Variants in DOC2A observed in about 807,000 individuals in gnomAD.
DOC2A encodes double C2-like domain-containing protein alpha.
Under a neutral mutation model 40.6 loss-of-function variants are expected in DOC2A, and 28 were observed. That is an observed-to-expected ratio of 0.69 (90% CI 0.51 to 0.95). DOC2A has a LOEUF of 0.95. Ranked by LOEUF, DOC2A falls within the 40% of genes least tolerant of loss-of-function variation. The pLI is 0.00. For synonymous variants in DOC2A, 241 were observed against 236.9 expected, an observed-to-expected ratio of 1.02 and a Z score of -0.16; for missense variants, 474 against 552.5, an observed-to-expected ratio of 0.86 and a Z score of 1.42.
At chr16:30,014,015 A>G (rs561595392), upstream of DOC2A, among the ~76,000 whole-genome samples, 2 of 151,112 alleles carry the variant, frequency 1.3e-5, no homozygotes, top group East Asian at 3.9e-4. Flanking sequence ...GCGCCTGGCC[A>G]TGAAGTTCAA....
At position 30,009,868 on chromosome 16, in the gene DOC2A, G is replaced by A; in HGVS notation, c.262+93C>T. On this transcript the variant is annotated intron_variant, in intron 2 of 10. Transcript: ENST00000350119. This position sits in a 1 kb window ranked among gnomAD's most constrained non-coding sequence, Gnocchi z 4.1. The stretch of plus-strand genomic sequence containing the variant: ...CACTGCCCTCCTCCCCTACCTACAT[G>A]CACAGCCAGCAGGGCCCATCCCCCT... 7.3e-7 allele frequency: 1 copy of A among 1,367,088 alleles called. No individual in the cohort carries two copies. The highest frequency in any genetic ancestry group is 1.2e-5 in the South Asian group (1 of 83,478). 84.7% of individuals were successfully genotyped at this position (1,367,088 alleles called of 1,614,324 possible). A position where few individuals can be genotyped will look rare whatever the true frequency, so the allele number is the denominator to read the frequency against.
chr16:30,005,948 G>A lies in DOC2A; in HGVS notation c.*238C>T, dbSNP rs936213192. 114 of 591,006 alleles carry A rather than the reference G, an allele frequency of 1.9e-4. No homozygotes were observed. In the Middle Eastern group the frequency reaches 3.6e-3, roughly 19 times the overall value. The allele number at this position is 591,006 out of a possible 1,614,324, so 36.6% of individuals were successfully genotyped here. On this transcript the variant is annotated 3_prime_UTR_variant, in exon 11 of 11. Coordinates refer to ENST00000350119, the MANE Select transcript of DOC2A (RefSeq NM_003586.3). ...CGGGCTCTGAGCACTGCCCGGGTGT[G>A]CAGATGATGGGGGGTTTGCATATTT...
chr16:30,021,812 A>C (rs989669177), upstream of DOC2A: 4 of 152,254 alleles, frequency 2.6e-5, no homozygotes, highest in East Asian at 1.9e-4. Flanking sequence ...GGGAGGACGG[A>C]GAGAGCCCTG....
chr16:30,017,267 A>G (rs2070863753), upstream of DOC2A, among the ~76,000 whole-genome samples: 1 of 141,740 alleles, frequency 7.1e-6, no homozygotes, highest in African/African-American at 2.7e-5. Flanking sequence ...TGACAGAGTG[A>G]GACCCTGTCT....
At position 30,006,179 on chromosome 16, in the gene DOC2A, T is replaced by G; in HGVS notation, c.*7A>C. On this transcript the variant is annotated 3_prime_UTR_variant, in exon 11 of 11. Transcript: ENST00000350119. The surrounding 1 kb of genome is among the most constrained non-coding windows in gnomAD (Gnocchi z 6.2). ...CGATGGGCCTGTGCCGGGACACTGC[T>G]GTCCACTCAGGCTGAGGACAGAGCC... is the stretch of plus-strand genomic sequence containing the variant. 1.9e-6 allele frequency: 3 copies of G among 1,575,642 alleles called. No individual in the cohort carries two copies. Among genetic ancestry groups the G allele is most frequent in the Non-Finnish European group, 2.6e-6 (3 of 1,161,814 alleles).
upstream of DOC2A, among the ~76,000 whole-genome samples, chr16:30,022,406 C>G (rs2070924910): frequency 6.6e-6 from 1 of 152,104 alleles, no homozygotes; most frequent in South Asian, 2.1e-4. Flanking sequence ...CATGGTGGCT[C>G]ATGCCTGTAA....
Position 30,009,882 on chromosome 16 carries a change from G to A in DOC2A, c.262+79C>T. 16 of 1,563,338 alleles carry A rather than the reference G, an allele frequency of 1.0e-5. No individual in the cohort carries two copies. Among genetic ancestry groups the A allele is most frequent in the Non-Finnish European group, 1.2e-5 (14 of 1,139,658 alleles). ...CCTACCTACATGCACAGCCAGCAGG[G>A]CCCATCCCCCTCTCCCCCCACCACG... is the stretch of plus-strand genomic sequence containing the variant. On this transcript the variant is annotated intron_variant, in intron 2 of 10. Transcript: ENST00000350119. The surrounding 1 kb of genome is among the most constrained non-coding windows in gnomAD (Gnocchi z 4.1).
intron 1 of DOC2A, chr16:30,018,874 A>C (rs11642612): frequency 0.33 from 49,680 of 152,192 alleles, 8,817 homozygotes; most frequent in South Asian, 0.43. Context: ...GTGTGGTTCC[A>C]GGGCTCTGAG....
Position 30,006,684 on chromosome 16 carries a change from G to A in DOC2A, c.879-7C>T, listed in dbSNP as rs375598910. On this transcript the variant is annotated splice_region_variant and splice_polypyrimidine_tract_variant and intron_variant, in intron 8 of 10. Coordinates refer to ENST00000350119, the MANE Select transcript of DOC2A (RefSeq NM_003586.3). The surrounding 1 kb of genome is among the most constrained non-coding windows in gnomAD (Gnocchi z 6.2). ...CACATCGGGCCTCAGGTACCTGGGG[G>A]TGGGGTGGAGGGAGACGAACTGAGG... 3 of 1,613,780 alleles carry A rather than the reference G, an allele frequency of 1.9e-6. No individual in the cohort carries two copies. Among genetic ancestry groups the A allele is most frequent in the Non-Finnish European group, 2.5e-6 (3 of 1,179,942 alleles).
upstream of DOC2A, chr16:30,011,555 C>T (rs1435781821): frequency 9.8e-6 from 3 of 305,824 alleles, no homozygotes; most frequent in Admixed American, 6.5e-5. Context: ...CCCACCCCCG[C>T]GCGTCTTCAC....
Position 30,006,232 on chromosome 16 carries a change from A to G in DOC2A, c.1157T>C (p.Leu386Pro), listed in dbSNP as rs2070582149. Reference protein sequence around the residue: ...PDAALERWHTLTSELPPAAGA... With the variant: ...PDAALERWHTPTSELPPAAGA... The stretch of plus-strand genomic sequence containing the variant: ...GGCCGCAGGGGGCAGCTCACTGGTC[A>G]GGGTGTGCCAGCGCTCCAGGGCTGC... Residue 386 changes from leucine to proline, a missense_variant, in exon 11 of 11, where the codon CTG becomes CCG. Transcript: ENST00000350119. This position sits in a 1 kb window ranked among gnomAD's most constrained non-coding sequence, Gnocchi z 6.2. The G allele has an allele frequency of 1.3e-6, 2 of 1,592,850 alleles. No individual in the cohort carries two copies. The highest frequency in any genetic ancestry group is 8.5e-7 in the Non-Finnish European group (1 of 1,170,886).
rs1567283526 is a variant in DOC2A at position 30,010,088 on chromosome 16, G to GC, written c.134dup (p.Gly46ArgfsTer29). Reference sequence around the variant, plus strand: ...CGGGGGCCTCCCCGCCGCCCCCGCCGCCCCCTTCAGGTCCTGGTCCCCGGG... The same window carrying GC: ...CGGGGGCCTCCCCGCCGCCCCCGCCGCCCCCCTTCAGGTCCTGGTCCCCGGG... On this transcript the variant is annotated frameshift_variant, in exon 2 of 11. Coordinates refer to ENST00000350119, the MANE Select transcript of DOC2A (RefSeq NM_003586.3). LOFTEE classifies it high-confidence loss of function. This position sits in a 1 kb window ranked among gnomAD's most constrained non-coding sequence, Gnocchi z 4.2. The GC allele has an allele frequency of 3.1e-6, 5 of 1,612,274 alleles. No individual in the cohort carries two copies. The highest frequency in any genetic ancestry group is 4.2e-6 in the Non-Finnish European group (5 of 1,179,036).
chr16:30,010,814 A>T lies in DOC2A; in HGVS notation c.-14+89T>A. ...CAGGGGAGCCAGAAATTGCAGCCGC[A>T]GGAGAGCCGAACACCCCCGTAGCGC... On this transcript the variant is annotated intron_variant, in intron 1 of 10. Transcript: ENST00000350119. The surrounding 1 kb of genome is among the most constrained non-coding windows in gnomAD (Gnocchi z 4.2). 1.1e-6 allele frequency: 1 copy of T among 924,998 alleles called. No homozygotes were observed. Among genetic ancestry groups the T allele is most frequent in the Non-Finnish European group, 1.3e-6 (1 of 768,594 alleles). 57.3% of individuals were successfully genotyped at this position (924,998 alleles called of 1,614,324 possible). A position where few individuals can be genotyped will look rare whatever the true frequency, so the allele number is the denominator to read the frequency against.
Position 30,008,866 on chromosome 16 carries a change from C to T in DOC2A, c.527+130G>A, listed in dbSNP as rs557481185. 5.6e-6 allele frequency: 4 copies of T among 709,804 alleles called. 1 individual carries two copies. Among genetic ancestry groups the T allele is most frequent in the African/African-American group, 5.2e-5 (3 of 57,632 alleles). The allele number at this position is 709,804 out of a possible 1,614,324, so 44.0% of individuals were successfully genotyped here. On this transcript the variant is annotated intron_variant, in intron 5 of 10. Transcript: ENST00000350119. ...GAATTTTGGCCTGCTGCCAAAGGGGCTAGGGAGCCGCTGATGGTTCTTGAG... is the reference window on the plus strand; with the variant it reads ...GAATTTTGGCCTGCTGCCAAAGGGGTTAGGGAGCCGCTGATGGTTCTTGAG...
At chr16:30,022,246 CAAAAAAAAAAAAAAAAAA>C (rs60987861), upstream of DOC2A, among the ~76,000 whole-genome samples, 3 of 34,286 alleles carry the variant, frequency 8.7e-5, no homozygotes, top group Admixed American at 5.5e-4. Flanking sequence ...AACTCCATCT[CAAAAAAAAAAAAAAAAAA>C]AAAAAAAAAA....
Position 30,009,141 on chromosome 16 carries a change from C to A in DOC2A, c.418-36G>T. ...GGGATGAAAGGTTCTCAATACCTGT[C>A]CTCCAGCCCCACAGGCTGGAGTCAT... On this transcript the variant is annotated intron_variant, in intron 4 of 10. Coordinates refer to ENST00000350119, the MANE Select transcript of DOC2A (RefSeq NM_003586.3). This position sits in a 1 kb window ranked among gnomAD's most constrained non-coding sequence, Gnocchi z 4.1. The A allele has an allele frequency of 6.2e-7, 1 of 1,608,180 alleles. No homozygotes were observed. Among genetic ancestry groups the A allele is most frequent in the African/African-American group, 1.3e-5 (1 of 74,932 alleles).
chr16:30,017,709 C>A (rs2070868028), intron 1 of DOC2A, among the ~76,000 whole-genome samples: 1 of 152,124 alleles, frequency 6.6e-6, no homozygotes, highest in African/African-American at 2.4e-5. Context: ...GTAATCCCAG[C>A]ACTTTGGGAG....
At position 30,005,766 on chromosome 16, in the gene DOC2A, T is replaced by G; in HGVS notation, c.*420A>C. ...CAGGGCTAGGTTTTTTCAATGAAGT[T>G]TCTGTATTAAAGGAGTGGCTCTGGG... On this transcript the variant is annotated 3_prime_UTR_variant, in exon 11 of 11. Coordinates refer to ENST00000350119, the MANE Select transcript of DOC2A (RefSeq NM_003586.3). 2.1e-6 allele frequency: 1 copy of G among 467,694 alleles called. No individual in the cohort carries two copies. The allele number at this position is 467,694 out of a possible 1,614,324, so 29.0% of individuals were successfully genotyped here.
upstream of DOC2A, chr16:30,021,674 G>A (rs2070911377): frequency 6.6e-6 from 1 of 152,228 alleles, no homozygotes; most frequent in Admixed American, 6.5e-5. Flanking sequence ...CCGCCCCGCT[G>A]CGCCTTTCCT....
Sources: gnomAD v4.1 joint callset for allele counts (sites outside exome capture counted in the v4.1 genomes callset) on GRCh38, gnomAD v4.1.1 for gene constraint, Gnocchi (gnomAD v3.1) non-coding constraint, MANE v1.5 for transcripts, NCBI Gene and HGNC (gene_info 2026-07-23, HGNC 2026-07-21) for gene names.